Variants in SKAP1 observed in about 807,000 individuals in gnomAD.
SKAP1 encodes src kinase-associated phosphoprotein 1.
In SKAP1, 44 loss-of-function variants were observed where a neutral mutation model predicts 58.5. That is an observed-to-expected ratio of 0.75 (90% CI 0.59 to 0.97). The LOEUF is 0.97. Among genes scored for constraint, SKAP1 ranks in the 50% least tolerant of loss-of-function variants. The pLI, the probability that SKAP1 is intolerant of heterozygous loss-of-function variation, is 0.00. For synonymous variants in SKAP1, 127 were observed against 149.7 expected, an observed-to-expected ratio of 0.85 and a Z score of 1.11; for missense variants, 390 against 435.2, an observed-to-expected ratio of 0.90 and a Z score of 0.92.
Position 48,170,690 on chromosome 17 carries a change from T to G in SKAP1, c.827-31A>C, listed in dbSNP as rs542248070. ...GGGATAAATGATCAGTATTAGCAATTAGTGGTTCACAGTCTCATGTTCTTT... is the reference window on the plus strand; with the variant it reads ...GGGATAAATGATCAGTATTAGCAATGAGTGGTTCACAGTCTCATGTTCTTT... On this transcript the variant is annotated intron_variant, in intron 9 of 12. Transcript: ENST00000336915. 29 of 1,583,874 alleles carry G rather than the reference T, an allele frequency of 1.8e-5. No individual in the cohort carries two copies. The African/African-American group carries it at 3.8e-4, about 21-fold the overall frequency.
chr17:48,210,345 C>T (rs1215111723), intron 4 of SKAP1, among the ~76,000 whole-genome samples: 1 of 152,172 alleles, frequency 6.6e-6, no homozygotes, highest in Non-Finnish European at 1.5e-5. Context: ...TCAGGATTAT[C>T]TGGAGTGGGG....
intron 10 of SKAP1, among the ~76,000 whole-genome samples, chr17:48,169,518 G>GCTA (rs1247159144): frequency 1.3e-5 from 2 of 152,194 alleles, no homozygotes; most frequent in Non-Finnish European, 2.9e-5. Context: ...GGTACTTGCA[G>GCTA]CTACACTCAC....
chr17:48,316,771 T>A (rs998328648), intron 4 of SKAP1, among the ~76,000 whole-genome samples: 1 of 152,342 alleles, frequency 6.6e-6, no homozygotes, highest in Non-Finnish European at 1.5e-5. Context: ...AATGTTCACA[T>A]GACAGAGACC....
chr17:48,221,581 AG>A (rs2065007122), intron 4 of SKAP1, among the ~76,000 whole-genome samples: 1 of 152,226 alleles, frequency 6.6e-6, no homozygotes, highest in Non-Finnish European at 1.5e-5. Context: ...TAAACCTTCA[AG>A]TACTGTATAG....
chr17:48,368,458 GA>G (rs2067038961), intron 2 of SKAP1, among the ~76,000 whole-genome samples: 1 of 152,146 alleles, frequency 6.6e-6, no homozygotes, highest in African/African-American at 2.4e-5. Context: ...GTATACATAA[GA>G]AAAAGCATAT....
chr17:48,218,536 T>C (rs1044289700), intron 4 of SKAP1, among the ~76,000 whole-genome samples: 8 of 152,200 alleles, frequency 5.3e-5, no homozygotes, highest in African/African-American at 1.9e-4. Flanking sequence ...TAATGGAACT[T>C]GGTTGTTCTA....
At chr17:48,219,645 G>GT (rs907831163) in intron 4 of SKAP1, among the ~76,000 whole-genome samples, 1 of 152,090 alleles carries the variant, frequency 6.6e-6, no homozygotes, top group Admixed American at 6.6e-5. Context: ...TAAATTCTGG[G>GT]TTTTTTCCTC....
chr17:48,332,402 T>C (rs2066518462), intron 4 of SKAP1, among the ~76,000 whole-genome samples: 2 of 152,222 alleles, frequency 1.3e-5, no homozygotes, highest in South Asian at 4.1e-4. Flanking sequence ...AACAAACTTA[T>C]TAAAATATAT....
intron 11 of SKAP1, among the ~76,000 whole-genome samples, chr17:48,160,628 A>G (rs12947089): frequency 0.53 from 80,656 of 152,068 alleles, 23,174 homozygotes; most frequent in East Asian, 0.77. Flanking sequence ...CCCAGTGAGA[A>G]GCCATTAACA....
intron 4 of SKAP1, among the ~76,000 whole-genome samples, chr17:48,195,755 C>A (rs2064618105): frequency 6.6e-6 from 1 of 152,124 alleles, no homozygotes; most frequent in African/African-American, 2.4e-5. Context: ...TTGTAGTTAG[C>A]AAACCAACAC....
chr17:48,401,513 A>T (rs983767963), intron 1 of SKAP1, among the ~76,000 whole-genome samples: 1 of 152,184 alleles, frequency 6.6e-6, no homozygotes. Context: ...CAAGACAATT[A>T]AATGTTGAAA....
chr17:48,367,561 CATAT>C (rs143641420), intron 2 of SKAP1, among the ~76,000 whole-genome samples: 2 of 142,178 alleles, frequency 1.4e-5, no homozygotes, highest in South Asian at 4.5e-4. Flanking sequence ...GATATATATC[CATAT>C]ATATATATAT....
chr17:48,301,571 G>A (rs2066057504), intron 4 of SKAP1, among the ~76,000 whole-genome samples: 1 of 152,014 alleles, frequency 6.6e-6, no homozygotes, highest in Non-Finnish European at 1.5e-5. Context: ...AGAATTGCTT[G>A]AACCCAGCAA....
At chr17:48,185,513 A>T (rs2064437449) in intron 6 of SKAP1, among the ~76,000 whole-genome samples, 1 of 152,018 alleles carries the variant, frequency 6.6e-6, no homozygotes, top group Non-Finnish European at 1.5e-5. Context: ...GTCACTACTT[A>T]AAAAAAATGT....
chr17:48,433,460 C>T (rs1025965469), upstream of SKAP1, among the ~76,000 whole-genome samples: 1 of 152,182 alleles, frequency 6.6e-6, no homozygotes, highest in Non-Finnish European at 1.5e-5. Context: ...GAGGACAGAA[C>T]AGAATACACA....
At chr17:48,205,021 TTCTTTCTTTCTTTCTTTC>T (rs2064788745) in intron 4 of SKAP1, among the ~76,000 whole-genome samples, 2 of 30,470 alleles carry the variant, frequency 6.6e-5, no homozygotes, top group Non-Finnish European at 1.3e-4. Context: ...TTCTTTTTCT[TTCTTTCTTTCTTTCTTTC>T]TCTCTCTCTC....
chr17:48,189,337 A>G, intron 5 of SKAP1, 86 bp downstream of exon 5: 1 of 1,084,492 alleles, frequency 9.2e-7, no homozygotes, highest in South Asian at 1.4e-5. Flanking sequence ...CCGGGCACAG[A>G]GAAGGCATCC....
At chr17:48,270,549 G>T (rs1052424939) in intron 4 of SKAP1, among the ~76,000 whole-genome samples, 1 of 151,904 alleles carries the variant, frequency 6.6e-6, no homozygotes, top group African/African-American at 2.4e-5. Context: ...CTCCATGTTG[G>T]CCAGGCTGGT....
chr17:48,149,462 A>T (rs1365364197), intron 11 of SKAP1, among the ~76,000 whole-genome samples: 1 of 152,208 alleles, frequency 6.6e-6, no homozygotes, highest in Admixed American at 6.5e-5. Flanking sequence ...GAATAATTTA[A>T]TCCTCAAGAT....
Sources: allele counts gnomAD v4.1 joint callset (sites outside exome capture counted in the v4.1 genomes callset), GRCh38; gene constraint gnomAD v4.1.1; transcripts MANE v1.5; gene names NCBI Gene and HGNC (gene_info 2026-07-23, HGNC 2026-07-21).